The following HAPLN1 variants were observed in gnomAD, a reference collection of about 807,000 sequenced individuals.
HAPLN1 encodes hyaluronan and proteoglycan link protein 1.
A neutral mutation model predicts 36.5 loss-of-function variants in HAPLN1; 13 were observed. The observed-to-expected ratio is 0.36, with a 90% CI of 0.23 to 0.57. HAPLN1 has a LOEUF of 0.57. Among genes scored for constraint, HAPLN1 ranks in the 20% least tolerant of loss-of-function variants. HAPLN1 has a pLI of 0.83. For missense variants in HAPLN1, 407 were observed against 439.7 expected (o/e 0.93, Z 0.66); for synonymous variants, 202 against 169.8 (o/e 1.19, Z -1.48).
intron 3 of HAPLN1, among the ~76,000 whole-genome samples, chr5:83,648,948 C>A (rs1211212875): frequency 6.6e-6 from 1 of 152,120 alleles, no homozygotes; most frequent in African/African-American, 2.4e-5. Context: ...TAGCTTATGT[C>A]AAGTTTTCTC....
At chr5:83,703,274 A>G (rs1399145085) in intron 1 of HAPLN1, among the ~76,000 whole-genome samples, 1 of 152,126 alleles carries the variant, frequency 6.6e-6, no homozygotes, top group African/African-American at 2.4e-5. Flanking sequence ...CTTTTGTCAG[A>G]CCTATTTTCG....
rs186977352 is a variant in HAPLN1 at position 83,661,897 on chromosome 5, G to T, written c.101-9073C>A. Among the ~76,000 whole-genome samples, 169 of 152,290 alleles carry T rather than the reference G, an allele frequency of 1.1e-3. 2 individuals carry two copies. Among genetic ancestry groups the T allele is most frequent in the South Asian group, 5.8e-3 (28 of 4,828 alleles). On this transcript the variant is annotated intron_variant, in intron 2 of 4. Coordinates refer to ENST00000274341, the MANE Select transcript of HAPLN1 (RefSeq NM_001884.4). ...GATGCCATGAAAAGGCTTTGATGTT[G>T]CTGTGTGTTCATGTATGGGTTTGGA...
chr5:83,651,821 C>A lies in HAPLN1; in HGVS notation c.472+632G>T, dbSNP rs370123414. 1.2e-4 allele frequency among the ~76,000 whole-genome samples: 18 copies of A among 151,952 alleles called. 1 individual carries two copies. In the East Asian group the frequency reaches 2.7e-3, roughly 23 times the overall value. ...AGGGGAGGCAAGGATGGCAAGGACACTTTTTATTGTACAGGTTTGTACACA... is the reference window on the plus strand; with the variant it reads ...AGGGGAGGCAAGGATGGCAAGGACAATTTTTATTGTACAGGTTTGTACACA... On this transcript the variant is annotated intron_variant, in intron 3 of 4. Transcript: ENST00000274341.
intron 1 of HAPLN1, among the ~76,000 whole-genome samples, chr5:83,696,983 A>G (rs556338154): frequency 2.8e-3 from 422 of 152,272 alleles, no homozygotes; most frequent in Admixed American, 5.6e-3. Flanking sequence ...CATTACCACT[A>G]CCTGTTTCCA....
chr5:83,697,916 T>G (rs1214583734), intron 1 of HAPLN1, among the ~76,000 whole-genome samples: 1 of 152,198 alleles, frequency 6.6e-6, no homozygotes, highest in Non-Finnish European at 1.5e-5. Flanking sequence ...TTAGAATTTT[T>G]TATATATTCT....
At chr5:83,683,708 A>G (rs534600872) in intron 1 of HAPLN1, among the ~76,000 whole-genome samples, 1 of 152,218 alleles carries the variant, frequency 6.6e-6, no homozygotes, top group Non-Finnish European at 1.5e-5. Flanking sequence ...AGGAACTGCT[A>G]TCTAAAAATT....
intron 3 of HAPLN1, among the ~76,000 whole-genome samples, chr5:83,647,842 T>G (rs951312948): frequency 3.3e-5 from 5 of 152,178 alleles, no homozygotes; most frequent in Non-Finnish European, 7.4e-5. Context: ...GCAGCGACCA[T>G]GTAGCATAAA....
chr5:83,652,436 G>A lies in HAPLN1; in HGVS notation c.472+17C>T, dbSNP rs377476989. ...TAATGACCATTTATACGTTGAACAT[G>A]ACTTATAGATACATACCTTGTAAGT... On this transcript the variant is annotated intron_variant, in intron 3 of 4. Transcript: ENST00000274341. 4 of 1,594,814 alleles carry A rather than the reference G, an allele frequency of 2.5e-6. No individual in the cohort carries two copies. The highest frequency in any genetic ancestry group is 1.7e-5 in the Admixed American group (1 of 57,822).
At chr5:83,707,603 A>G (rs997373103) in intron 1 of HAPLN1, among the ~76,000 whole-genome samples, 2 of 152,250 alleles carry the variant, frequency 1.3e-5, no homozygotes, top group African/African-American at 4.8e-5. Flanking sequence ...TTAAAAACTT[A>G]AATGTAAAAC....
chr5:83,703,191 C>T (rs1751551369), intron 1 of HAPLN1, among the ~76,000 whole-genome samples: 1 of 152,164 alleles, frequency 6.6e-6, no homozygotes, highest in Admixed American at 6.5e-5. Context: ...ATTTCTATAT[C>T]TCACATGTCT....
At chr5:83,645,475 C>CTTTTGTTTTTTTT (rs1749837470) in intron 3 of HAPLN1, among the ~76,000 whole-genome samples, 2 of 74,370 alleles carry the variant, frequency 2.7e-5, no homozygotes, top group African/African-American at 1.2e-4. Context: ...CTTTTTCTTT[C>CTTTTGTTTTTTTT]TTTTTTTTTT....
chr5:83,676,105 A>G (rs1750853344), intron 1 of HAPLN1, among the ~76,000 whole-genome samples: 1 of 151,372 alleles, frequency 6.6e-6, no homozygotes, highest in South Asian at 2.1e-4. Flanking sequence ...TAATTATATC[A>G]CTCTGGTACC....
intron 1 of HAPLN1, among the ~76,000 whole-genome samples, chr5:83,706,815 T>C (rs577539407): frequency 1.3e-5 from 2 of 152,172 alleles, no homozygotes; most frequent in Non-Finnish European, 2.9e-5. Context: ...ATGACATGAT[T>C]CTATGTCTAG....
intron 1 of HAPLN1, among the ~76,000 whole-genome samples, chr5:83,714,909 T>A (rs1479582699): frequency 6.6e-6 from 1 of 152,172 alleles, no homozygotes; most frequent in Non-Finnish European, 1.5e-5. Context: ...ACAGGATGGA[T>A]GTTGGATGCC....
intron 1 of HAPLN1, among the ~76,000 whole-genome samples, chr5:83,677,459 C>A (rs1224644777): frequency 6.6e-6 from 1 of 152,192 alleles, no homozygotes; most frequent in African/African-American, 2.4e-5. Context: ...AAAGTTCAAG[C>A]TACCAAGTCA....
intron 1 of HAPLN1, among the ~76,000 whole-genome samples, chr5:83,703,823 T>G (rs776705663): frequency 1.3e-5 from 2 of 152,058 alleles, no homozygotes; most frequent in Admixed American, 6.5e-5. Flanking sequence ...TTTCCTGAAC[T>G]TGTCTGTTGG....
At chr5:83,668,411 G>A (rs897396694) in intron 2 of HAPLN1, among the ~76,000 whole-genome samples, 5 of 152,182 alleles carry the variant, frequency 3.3e-5, no homozygotes, top group African/African-American at 1.2e-4. Flanking sequence ...CAGGTAGCCT[G>A]GGACAAGCAA....
intron 1 of HAPLN1, among the ~76,000 whole-genome samples, chr5:83,706,485 G>A (rs1235323009): frequency 2.0e-5 from 3 of 152,148 alleles, no homozygotes; most frequent in Non-Finnish European, 2.9e-5. Context: ...AAACCCACAT[G>A]ATTATCTCAA....
intron 1 of HAPLN1, among the ~76,000 whole-genome samples, chr5:83,714,312 A>G (rs1316757268): frequency 6.6e-6 from 1 of 152,230 alleles, no homozygotes; most frequent in African/African-American, 2.4e-5. Flanking sequence ...AGACCAGAAC[A>G]ATAGCTTACA....
Sources: allele counts gnomAD v4.1 joint callset (sites outside exome capture counted in the v4.1 genomes callset), GRCh38; gene constraint gnomAD v4.1.1; transcripts MANE v1.5; gene names NCBI Gene and HGNC (gene_info 2026-07-23, HGNC 2026-07-21).